The following TTC29 variants were observed in gnomAD, a reference collection of about 807,000 sequenced individuals.
The protein encoded by TTC29 is tetratricopeptide repeat domain 29, also known as tetratricopeptide repeat protein 29.
Under a neutral mutation model 58.1 loss-of-function variants are expected in TTC29, and 49 were observed. That is an observed-to-expected ratio of 0.84 (90% CI 0.67 to 1.07). The LOEUF is 1.07. TTC29 is among the 50% of genes least tolerant of loss of function. TTC29 has a pLI of 0.00. For missense variants in TTC29, 582 were observed against 555.6 expected (o/e 1.05, Z -0.48); for synonymous variants, 209 against 196.8 (o/e 1.06, Z -0.52).
chr4:146,857,215 T>C (rs567725759), intron 8 of TTC29, among the ~76,000 whole-genome samples: 1 of 152,152 alleles, frequency 6.6e-6, no homozygotes, highest in South Asian at 2.1e-4. Flanking sequence ...ATATTTTGAA[T>C]ATTACTTAGC....
At chr4:146,841,031 T>C (rs1728820423) in intron 8 of TTC29, among the ~76,000 whole-genome samples, 1 of 152,184 alleles carries the variant, frequency 6.6e-6, no homozygotes, top group South Asian at 2.1e-4. Flanking sequence ...CAAATGGCAA[T>C]TTATCTTTCT....
In TTC29 at chr4:146,707,660, T is replaced by A. The variant is rs918842020; in HGVS notation, c.1331-109A>T. The A allele has an allele frequency of 3.2e-5, 23 of 729,944 alleles. No individual in the cohort carries two copies. In the African/African-American group the frequency reaches 3.5e-4, roughly 11 times the overall value. The allele number at this position is 729,944 out of a possible 1,614,324, so 45.2% of individuals were successfully genotyped here. A position where few individuals can be genotyped will look rare whatever the true frequency, so the allele number is the denominator to read the frequency against. ...CAGGGATATCTGTCCTTATCACCTATAAGATAAGGGTGTATGTATCACCAG... is the reference window on the plus strand; with the variant it reads ...CAGGGATATCTGTCCTTATCACCTAAAAGATAAGGGTGTATGTATCACCAG... On this transcript the variant is annotated intron_variant, in intron 11 of 12. Coordinates refer to ENST00000325106, the MANE Select transcript of TTC29 (RefSeq NM_031956.4).
chr4:146,783,999 TC>T (rs1381546621), intron 11 of TTC29, among the ~76,000 whole-genome samples: 11 of 151,210 alleles, frequency 7.3e-5, no homozygotes, highest in African/African-American at 1.2e-4. Context: ...ACTTGTGAAA[TC>T]GATTCTTGTG....
At chr4:146,866,524 A>T (rs998356866) in intron 8 of TTC29, among the ~76,000 whole-genome samples, 4 of 152,098 alleles carry the variant, frequency 2.6e-5, no homozygotes, top group African/African-American at 9.7e-5. Flanking sequence ...AATTGTGGTT[A>T]TGCTTGCAAG....
intron 11 of TTC29, among the ~76,000 whole-genome samples, chr4:146,791,363 T>C (rs1394054283): frequency 6.6e-6 from 1 of 152,204 alleles, no homozygotes; most frequent in Admixed American, 6.5e-5. Context: ...CTATTAATAT[T>C]ATTATCATTA....
chr4:146,902,459 T>A (rs1324661793), intron 6 of TTC29, among the ~76,000 whole-genome samples: 2 of 152,154 alleles, frequency 1.3e-5, no homozygotes, highest in Non-Finnish European at 2.9e-5. Context: ...GTTAAAAAAA[T>A]AATTTAACTA....
rs1326319221 is a variant in TTC29 at position 146,939,877 on chromosome 4, G to GT, written c.18dup (p.Leu7ThrfsTer34). 8 of 1,613,010 alleles carry GT rather than the reference G, an allele frequency of 5.0e-6. No homozygotes were observed. The highest frequency in any genetic ancestry group is 6.8e-6 in the Non-Finnish European group (8 of 1,179,642). On this transcript the variant is annotated frameshift_variant, in exon 3 of 13. Coordinates refer to ENST00000325106, the MANE Select transcript of TTC29 (RefSeq NM_031956.4). LOFTEE classifies it high-confidence loss of function. ...GTAAGCTTCGGGCGTGTCATGGGCA[G>GT]TGGGGGCAGGGTGGTCATTTCGGAC...
intron 11 of TTC29, among the ~76,000 whole-genome samples, chr4:146,712,676 C>CTGGGATTT (rs1299592946): frequency 6.6e-6 from 1 of 152,002 alleles, no homozygotes; most frequent in African/African-American, 2.4e-5. Flanking sequence ...GCACATGCAA[C>CTGGGATTT]TGGGATTTTG....
chr4:146,892,534 C>A (rs1259830377), intron 6 of TTC29, among the ~76,000 whole-genome samples: 1 of 152,108 alleles, frequency 6.6e-6, no homozygotes, highest in African/African-American at 2.4e-5. Flanking sequence ...GGACGTATCT[C>A]AAAATAATAA....
intron 11 of TTC29, among the ~76,000 whole-genome samples, chr4:146,784,230 A>G (rs1207014107): frequency 6.6e-6 from 1 of 152,038 alleles, no homozygotes; most frequent in Non-Finnish European, 1.5e-5. Context: ...ACATTTTTTG[A>G]GAAGACAAGT....
At chr4:146,916,292 A>T (rs1321388812) in intron 4 of TTC29, among the ~76,000 whole-genome samples, 1 of 151,724 alleles carries the variant, frequency 6.6e-6, no homozygotes, top group Admixed American at 6.6e-5. Context: ...TTTTTCCCAA[A>T]AGCTAAAATA....
chr4:146,804,630 T>C (rs1278998437), intron 10 of TTC29, among the ~76,000 whole-genome samples: 1 of 152,116 alleles, frequency 6.6e-6, no homozygotes. Context: ...AAGTTCCAAC[T>C]GGGTGGAGCA....
chr4:146,927,080 C>CA (rs55786171), intron 4 of TTC29, among the ~76,000 whole-genome samples: 11,079 of 109,982 alleles, frequency 0.1, 1,599 homozygotes, highest in African/African-American at 0.32. Context: ...GACCCCATCT[C>CA]AAAAAAAAAA....
intron 8 of TTC29, among the ~76,000 whole-genome samples, chr4:146,837,222 C>A (rs1728567779): frequency 6.6e-6 from 1 of 152,072 alleles, no homozygotes; most frequent in Admixed American, 6.6e-5. Flanking sequence ...AGGCCATTAT[C>A]TTTAGTAAAC....
intron 11 of TTC29, among the ~76,000 whole-genome samples, chr4:146,763,434 T>G (rs1235995523): frequency 6.6e-6 from 1 of 152,036 alleles, no homozygotes; most frequent in African/African-American, 2.4e-5. Context: ...TGGTTATAGA[T>G]CTCAGGCCTC....
chr4:146,803,528 T>A lies in TTC29; in HGVS notation c.1259A>T (p.Asp420Val), dbSNP rs1056617204. ...CAGCAGGTAGTTGAGGCTGGTGAGA[T>A]CTGCAGACTCTATATAGTTGTTCAC... ...LTVNNYIESA[D>V]LTSLNYLLSW... Residue 420 changes from aspartate (D) to valine (V), a missense_variant, in exon 11 of 13, where the codon GAT becomes GTT. By Grantham distance (152) the Asp-to-Val change is radical. Coordinates refer to ENST00000325106, the MANE Select transcript of TTC29 (RefSeq NM_031956.4). 6.2e-7 allele frequency: 1 copy of A among 1,601,900 alleles called. No individual in the cohort carries two copies. Among genetic ancestry groups the A allele is most frequent in the Non-Finnish European group, 8.5e-7 (1 of 1,173,262 alleles).
At chr4:146,833,966 A>G (rs1259905967) in intron 8 of TTC29, 69 bp from the exon 9 acceptor site, 2 of 1,078,352 alleles carry the variant, frequency 1.9e-6, no homozygotes, top group Non-Finnish European at 2.6e-6. Flanking sequence ...ATTTCATAAC[A>G]GAAAAAAATA....
At chr4:146,718,053 A>C (rs1338221872) in intron 11 of TTC29, among the ~76,000 whole-genome samples, 2 of 152,184 alleles carry the variant, frequency 1.3e-5, no homozygotes, top group African/African-American at 2.4e-5. Flanking sequence ...ATGATATTGC[A>C]AATGACAGGA....
chr4:146,891,484 G>A (rs2150248846), intron 6 of TTC29, among the ~76,000 whole-genome samples: 1 of 152,070 alleles, frequency 6.6e-6, no homozygotes, highest in Non-Finnish European at 1.5e-5. Context: ...AATTCTCATA[G>A]GAATATTATC....
Sources: gnomAD v4.1 joint callset for allele counts (sites outside exome capture counted in the v4.1 genomes callset) on GRCh38, gnomAD v4.1.1 for gene constraint, MANE v1.5 for transcripts, NCBI Gene and HGNC (gene_info 2026-07-23, HGNC 2026-07-21) for gene names.